Variants in VSTM5 observed in about 807,000 individuals in gnomAD.
VSTM5 encodes V-set and transmembrane domain containing 5, also known as V-set and transmembrane domain-containing protein 5.
In VSTM5, 21 loss-of-function variants were observed where a neutral mutation model predicts 20.3. The ratio of observed to expected loss-of-function variants is 1.03; its 90% CI spans 0.73 to 1.49. The LOEUF (loss-of-function observed/expected upper bound fraction) is 1.49, where lower values mean the gene tolerates loss of function less well. VSTM5 is among the 40% of genes most tolerant of loss of function. The probability of loss-of-function intolerance (pLI) is 0.00; values close to 1 mark genes in which losing one functional copy is unlikely to be tolerated. For missense variants in VSTM5, 219 were observed against 250.0 expected, an observed-to-expected ratio of 0.88 and a Z score of 0.84; for synonymous variants, 100 against 102.5, an observed-to-expected ratio of 0.98 and a Z score of 0.14.
intron 1 of VSTM5, among the ~76,000 whole-genome samples, chr11:93,838,187 A>AAAAC (rs10659757): frequency 0.22 from 33,962 of 151,982 alleles, 4,992 homozygotes; most frequent in African/African-American, 0.42. Flanking sequence ...TTCAATTTAA[A>AAAAC]AAAGTCAGGC....
intron 1 of VSTM5, among the ~76,000 whole-genome samples, chr11:93,848,379 A>T (rs912026622): frequency 1.3e-5 from 2 of 152,170 alleles, no homozygotes; most frequent in African/African-American, 4.8e-5. Flanking sequence ...AGTGCTAGGG[A>T]CCCTGAGTTG....
At position 93,850,507 on chromosome 11, in the gene VSTM5, G is replaced by A. The variant is rs952827836; in HGVS notation, c.-5C>T. 2.4e-5 allele frequency: 37 copies of A among 1,547,886 alleles called. No homozygotes were observed. In the African/African-American group the frequency reaches 4.7e-4, roughly 20 times the overall value. ...CCCGCTGGGCAGAGGCCTCATGGGC[G>A]AGCCCGGGGCCTCGCGGGCCGGGGT... On this transcript the variant is annotated 5_prime_UTR_variant, in exon 1 of 4. Coordinates refer to ENST00000409977, the MANE Select transcript of VSTM5 (RefSeq NM_001144871.2).
intron 1 of VSTM5, among the ~76,000 whole-genome samples, chr11:93,825,185 T>G (rs1355639274): frequency 6.6e-6 from 1 of 152,214 alleles, no homozygotes; most frequent in East Asian, 1.9e-4. Flanking sequence ...GGTTTTTTCT[T>G]GAGACAGGGT....
intron 1 of VSTM5, among the ~76,000 whole-genome samples, chr11:93,849,626 G>A (rs7123628): frequency 2.6e-5 from 4 of 152,084 alleles, no homozygotes; most frequent in Admixed American, 6.5e-5. Context: ...CACCTCCAGC[G>A]GCCCTGCTCT....
chr11:93,849,992 C>T (rs1221252861), intron 1 of VSTM5, among the ~76,000 whole-genome samples: 1 of 152,244 alleles, frequency 6.6e-6, no homozygotes, highest in African/African-American at 2.4e-5. Flanking sequence ...TGGAGGGGTC[C>T]CCACAGTAGG....
chr11:93,833,446 G>T (rs1034246820), intron 1 of VSTM5, among the ~76,000 whole-genome samples: 1 of 152,170 alleles, frequency 6.6e-6, no homozygotes, highest in African/African-American at 2.4e-5. Context: ...GGGCATGGTG[G>T]CATGCACCTG....
chr11:93,820,971 G>A, intron 2 of VSTM5, 26 bp downstream of exon 2: 1 of 1,550,874 alleles, frequency 6.4e-7, no homozygotes. Flanking sequence ...GTTCAGAGGG[G>A]TGCCCGGGGC....
At chr11:93,841,020 G>A (rs947286064) in intron 1 of VSTM5, among the ~76,000 whole-genome samples, 22 of 144,726 alleles carry the variant, frequency 1.5e-4, no homozygotes, top group African/African-American at 5.0e-4. Flanking sequence ...TAACAAAAAC[G>A]CAGTAAAGCT....
At chr11:93,838,608 A>G (rs1944343309) in intron 1 of VSTM5, among the ~76,000 whole-genome samples, 2 of 149,042 alleles carry the variant, frequency 1.3e-5, no homozygotes, top group South Asian at 4.3e-4. Flanking sequence ...TCTTGCCAAC[A>G]TGGTGAAATC....
At chr11:93,824,213 T>G (rs935234004) in intron 1 of VSTM5, among the ~76,000 whole-genome samples, 1 of 152,188 alleles carries the variant, frequency 6.6e-6, no homozygotes, top group African/African-American at 2.4e-5. Flanking sequence ...CGGCTATTAC[T>G]TCTATTTTTA....
intron 1 of VSTM5, among the ~76,000 whole-genome samples, chr11:93,839,496 A>G (rs7119738): frequency 0.22 from 34,082 of 152,204 alleles, 5,044 homozygotes; most frequent in African/African-American, 0.42. Context: ...TTCTTCAGGC[A>G]TAAAGTGGGA....
intron 1 of VSTM5, among the ~76,000 whole-genome samples, chr11:93,846,827 C>A (rs1944415758): frequency 6.8e-6 from 1 of 146,386 alleles, no homozygotes; most frequent in East Asian, 2.0e-4. Flanking sequence ...AGGGCAGTGG[C>A]ATGATCTCGG....
chr11:93,829,299 G>A (rs1944262737), intron 1 of VSTM5, among the ~76,000 whole-genome samples: 1 of 152,270 alleles, frequency 6.6e-6, no homozygotes, highest in Admixed American at 6.5e-5. Context: ...GGCCAAGGTG[G>A]GCAGATCACC....
At chr11:93,849,421 T>C (rs1944440195) in intron 1 of VSTM5, among the ~76,000 whole-genome samples, 1 of 152,224 alleles carries the variant, frequency 6.6e-6, no homozygotes, top group Non-Finnish European at 1.5e-5. Context: ...CCTCCCAAAA[T>C]GCTGGGAATA....
intron 1 of VSTM5, among the ~76,000 whole-genome samples, chr11:93,823,141 G>A (rs1290613457): frequency 2.0e-5 from 3 of 151,782 alleles, no homozygotes; most frequent in African/African-American, 7.3e-5. Flanking sequence ...ACTGGAAACT[G>A]GCTGACTGGT....
At chr11:93,843,458 CTGAATGAA>C (rs10566414) in intron 1 of VSTM5, among the ~76,000 whole-genome samples, 2,521 of 151,738 alleles carry the variant, frequency 0.017, 71 homozygotes, top group African/African-American at 0.057. Context: ...TCATATGTAC[CTGAATGAA>C]TGAATGAATG....
intron 1 of VSTM5, among the ~76,000 whole-genome samples, chr11:93,845,986 C>T (rs990708591): frequency 2.6e-5 from 4 of 152,186 alleles, no homozygotes; most frequent in Non-Finnish European, 5.9e-5. Flanking sequence ...AACTTCAATC[C>T]AGGCTGACAA....
At chr11:93,829,624 G>T (rs1448272111) in intron 1 of VSTM5, among the ~76,000 whole-genome samples, 1 of 152,206 alleles carries the variant, frequency 6.6e-6, no homozygotes, top group African/African-American at 2.4e-5. Flanking sequence ...CTCAATAGGG[G>T]AGTTGTGGAG....
intron 1 of VSTM5, chr11:93,822,196 C>G (rs1406964071): frequency 6.6e-6 from 1 of 151,348 alleles, no homozygotes; most frequent in East Asian, 2.0e-4. Context: ...ATTCTCCTGC[C>G]TCAGCCTCCC....
Sources: allele counts gnomAD v4.1 joint callset (sites outside exome capture counted in the v4.1 genomes callset), GRCh38; gene constraint gnomAD v4.1.1; transcripts MANE v1.5; gene names NCBI Gene and HGNC (gene_info 2026-07-23, HGNC 2026-07-21).